Variants in NEBL observed in about 807,000 individuals in gnomAD.
NEBL encodes the protein nebulette, also known as LIM and SH3 protein 2.
Under a neutral mutation model 140.2 loss-of-function variants are expected in NEBL, and 122 were observed. The ratio of observed to expected loss-of-function variants is 0.87; its 90% CI spans 0.75 to 1.01. NEBL has a LOEUF of 1.01. NEBL is among the 50% of genes least tolerant of loss of function. NEBL has a pLI of 0.00. For synonymous variants in NEBL, 436 were observed against 398.9 expected, an observed-to-expected ratio of 1.09 and a Z score of -1.11; for missense variants, 1,365 against 1,231.3, an observed-to-expected ratio of 1.11 and a Z score of -1.62.
At chr10:20,885,697 A>C (rs918320505) in intron 4 of NEBL, among the ~76,000 whole-genome samples, 1 of 152,254 alleles carries the variant, frequency 6.6e-6, no homozygotes, top group Non-Finnish European at 1.5e-5. Context: ...AAGGAAGTAT[A>C]AAAGCAATAA....
chr10:21,246,335 A>G (rs754150996), intron 3 of NEBL, among the ~76,000 whole-genome samples: 33 of 152,378 alleles, frequency 2.2e-4, no homozygotes, highest in Non-Finnish European at 4.3e-4. Flanking sequence ...CACTCGCCAT[A>G]TAACCCAGTA....
In NEBL at chr10:20,907,714, A is replaced by G. The variant is rs142302895; in HGVS notation, c.357+53958T>C. Reference sequence around the variant, plus strand: ...TGAAACGAGATTTTCCTATTTTAAAAGAAATTTAAAAATTTTCAAGTGTTC... The same window carrying G: ...TGAAACGAGATTTTCCTATTTTAAAGGAAATTTAAAAATTTTCAAGTGTTC... On this transcript the variant is annotated intron_variant, in intron 4 of 6. Coordinates refer to the NEBL transcript ENST00000417816. Among the ~76,000 whole-genome samples the G allele has an allele frequency of 7.0e-3, 1,072 of 152,316 alleles. 10 individuals carry two copies. The highest frequency in any genetic ancestry group is 0.025 in the African/African-American group (1,021 of 41,568).
At chr10:20,925,568 C>G (rs542883165) in intron 4 of NEBL, among the ~76,000 whole-genome samples, 1 of 152,278 alleles carries the variant, frequency 6.6e-6, no homozygotes, top group South Asian at 2.1e-4. Flanking sequence ...AGTGGCTGGC[C>G]TGACTTACCT....
chr10:20,956,131 T>C (rs1272840426), intron 4 of NEBL, among the ~76,000 whole-genome samples: 2 of 151,874 alleles, frequency 1.3e-5, no homozygotes, highest in Non-Finnish European at 2.9e-5. Flanking sequence ...CATGGAAAAA[T>C]AAAGCAAAAC....
At chr10:20,805,071 T>A (rs1228747332) in intron 26 of NEBL, among the ~76,000 whole-genome samples, 1 of 152,188 alleles carries the variant, frequency 6.6e-6, no homozygotes, top group East Asian at 1.9e-4. Context: ...ATTTTTGTCA[T>A]GGTCCAGCTG....
chr10:21,239,696 A>C (rs1213640618), intron 3 of NEBL, among the ~76,000 whole-genome samples: 1 of 152,148 alleles, frequency 6.6e-6, no homozygotes, highest in Non-Finnish European at 1.5e-5. Context: ...AGCCTCGTCC[A>C]AACTCAGAAC....
At position 20,963,977 on chromosome 10, in the gene NEBL, C is replaced by T. The variant is rs142216997; in HGVS notation, c.250-2198G>A. ...AAACTCCGAGCCATTCATCAGCTCT[C>T]TCTTTTCCACACTCCCACCCACTTT... On this transcript the variant is annotated intron_variant, in intron 3 of 6. Transcript: ENST00000417816. Among the ~76,000 whole-genome samples the T allele has an allele frequency of 2.7e-3, 416 of 152,338 alleles. 1 individual carries two copies. Among genetic ancestry groups the T allele is most frequent in the Non-Finnish European group, 4.2e-3 (288 of 68,034 alleles).
chr10:21,188,784 T>A (rs891037080), intron 3 of NEBL, among the ~76,000 whole-genome samples: 23 of 151,760 alleles, frequency 1.5e-4, no homozygotes, highest in Admixed American at 2.6e-4. Flanking sequence ...GAGATGGGGT[T>A]TCATCACGTC....
intron 7 of NEBL, among the ~76,000 whole-genome samples, chr10:20,866,623 G>A (rs1348059633): frequency 1.3e-5 from 2 of 152,074 alleles, no homozygotes; most frequent in Non-Finnish European, 1.5e-5. Context: ...TGTATTTGGG[G>A]CCTTCCCCTT....
intron 4 of NEBL, among the ~76,000 whole-genome samples, chr10:20,941,693 T>C (rs1166710380): frequency 6.6e-6 from 1 of 151,942 alleles, no homozygotes; most frequent in Non-Finnish European, 1.5e-5. Context: ...CCCCATCGTC[T>C]CAGCCCAAAA....
At chr10:21,100,872 T>C (rs1038728989) in intron 2 of NEBL, among the ~76,000 whole-genome samples, 2 of 152,218 alleles carry the variant, frequency 1.3e-5, no homozygotes, top group African/African-American at 4.8e-5. Flanking sequence ...ATCCATTAGA[T>C]GATGATAACA....
chr10:20,801,994 T>A (rs1837168972), intron 26 of NEBL, among the ~76,000 whole-genome samples: 1 of 152,204 alleles, frequency 6.6e-6, no homozygotes, highest in Non-Finnish European at 1.5e-5. Flanking sequence ...ATATTTATTT[T>A]GAAAAGTGCA....
chr10:21,047,384 T>C (rs910273695), intron 2 of NEBL, among the ~76,000 whole-genome samples: 6 of 152,146 alleles, frequency 3.9e-5, no homozygotes, highest in African/African-American at 1.4e-4. Flanking sequence ...ATCAGGAGAA[T>C]GGGACAGAAA....
intron 2 of NEBL, among the ~76,000 whole-genome samples, chr10:21,064,254 A>G (rs185339537): frequency 1.4e-4 from 21 of 152,370 alleles, no homozygotes; most frequent in African/African-American, 4.1e-4. Context: ...CTAAAAATAC[A>G]TACATATTTC....
At chr10:21,071,832 T>G (rs1189399550) in intron 2 of NEBL, among the ~76,000 whole-genome samples, 1 of 152,202 alleles carries the variant, frequency 6.6e-6, no homozygotes, top group East Asian at 1.9e-4. Flanking sequence ...TTTTGTCTTT[T>G]TTTTGAGATG....
intron 2 of NEBL, among the ~76,000 whole-genome samples, chr10:21,157,543 C>T (rs894709137): frequency 1.3e-5 from 2 of 152,062 alleles, no homozygotes; most frequent in Admixed American, 6.6e-5. Flanking sequence ...TGTACTCTAG[C>T]CTGGGTGACA....
At chr10:21,260,453 T>C (rs189605592) in intron 1 of NEBL, among the ~76,000 whole-genome samples, 1 of 152,334 alleles carries the variant, frequency 6.6e-6, no homozygotes, top group African/African-American at 2.4e-5. Context: ...ACTTTTAATT[T>C]AGATAATTTC....
At position 20,780,752 on chromosome 10, in the gene NEBL, G is replaced by C. The variant is rs546776032; in HGVS notation, c.*4995C>G. ...ACACAGAATATTAAGACCCTGAAGA[G>C]AGTGCATTTGAGAACGCAGTTCTAT... On this transcript the variant is annotated 3_prime_UTR_variant, in exon 28 of 28. Transcript: ENST00000377122. 23 of 152,312 alleles carry C rather than the reference G, an allele frequency of 1.5e-4. No individual in the cohort carries two copies. 9.4% of individuals were successfully genotyped at this position (152,312 alleles called of 1,614,324 possible).
At chr10:21,013,311 G>A (rs1194970843) in intron 3 of NEBL, among the ~76,000 whole-genome samples, 1 of 152,134 alleles carries the variant, frequency 6.6e-6, no homozygotes, top group East Asian at 1.9e-4. Context: ...AAATAAACAT[G>A]CTGAAGCTTC....
Sources: allele counts gnomAD v4.1 joint callset (sites outside exome capture counted in the v4.1 genomes callset), GRCh38; gene constraint gnomAD v4.1.1; transcripts MANE v1.5; gene names NCBI Gene and HGNC (gene_info 2026-07-23, HGNC 2026-07-21).